Variants in IFTAP observed in about 807,000 individuals in gnomAD.
IFTAP encodes the protein intraflagellar transport associated protein, also known as intraflagellar transport-associated protein.
IFTAP carries 19 observed loss-of-function variants against 19.4 expected under a neutral mutation model. The observed-to-expected ratio is 0.98, with a 90% CI of 0.68 to 1.44. The LOEUF (loss-of-function observed/expected upper bound fraction) is 1.44, where lower values mean the gene tolerates loss of function less well. IFTAP is among the 40% of genes most tolerant of loss of function. IFTAP has a pLI of 0.00. For synonymous variants in IFTAP, 85 were observed against 83.5 expected, an observed-to-expected ratio of 1.02 and a Z score of -0.10; for missense variants, 240 against 253.6, an observed-to-expected ratio of 0.95 and a Z score of 0.36.
At chr11:36,647,963 G>T in intron 4 of IFTAP, 53 bp from the exon 5 acceptor site, 6 of 1,583,994 alleles carry the variant, frequency 3.8e-6, no homozygotes, top group Non-Finnish European at 5.2e-6. Context: ...AAATGATTTA[G>T]GTAAATTGTG....
In IFTAP at chr11:36,633,293, T is replaced by C. The variant is rs1166736180; in HGVS notation, c.146T>C (p.Val49Ala). The C allele has an allele frequency of 4.5e-6, 7 of 1,544,358 alleles. No individual in the cohort carries two copies. The highest frequency in any genetic ancestry group is 6.1e-6 in the Non-Finnish European group (7 of 1,149,794). ...TFTHLSQEDH[V>A]SKRGVFGTDS... The stretch of plus-strand genomic sequence containing the variant: ...TAACTTCTTATTTCAGAGGATCATG[T>C]GTCCAAAAGGGGAGTGTTTGGAACT... The change falls in exon 3 of 6, where the codon GTG becomes GCG. Residue 49 changes from valine (V) to alanine (A), a missense_variant. Val to Ala is a moderately conservative substitution (Grantham distance 64, BLOSUM62 0). Coordinates refer to ENST00000334307, the MANE Select transcript of IFTAP (RefSeq NM_138787.4).
chr11:36,608,897 A>G (rs543771306), intron 1 of IFTAP, among the ~76,000 whole-genome samples: 1 of 152,226 alleles, frequency 6.6e-6, no homozygotes, highest in South Asian at 2.1e-4. Context: ...TTGAGCAAGT[A>G]TAGTTTAGTG....
chr11:36,630,389 A>T (rs1852683264), intron 2 of IFTAP, among the ~76,000 whole-genome samples: 1 of 151,348 alleles, frequency 6.6e-6, no homozygotes. Flanking sequence ...GTCAAGAATG[A>T]ACAAGTTCTT....
chr11:36,651,120 G>A (rs1853705361), intron 5 of IFTAP, among the ~76,000 whole-genome samples: 1 of 152,194 alleles, frequency 6.6e-6, no homozygotes, highest in South Asian at 2.1e-4. Context: ...AGATTGCTGA[G>A]GAGTCGCCAC....
chr11:36,633,481 A>G (rs770645920), intron 3 of IFTAP, 43 bp downstream of exon 3: 16 of 1,393,836 alleles, frequency 1.1e-5, no homozygotes, highest in Non-Finnish European at 1.4e-5. Flanking sequence ...TCTCAGAAGA[A>G]AAGAATTCTT....
intron 5 of IFTAP, among the ~76,000 whole-genome samples, chr11:36,654,488 A>G (rs923904441): frequency 1.4e-4 from 22 of 152,002 alleles, no homozygotes; most frequent in African/African-American, 5.3e-4. Flanking sequence ...TGTATTTCTC[A>G]AATTGTGTTT....
At chr11:36,643,455 A>G (rs1008392939) in intron 4 of IFTAP, among the ~76,000 whole-genome samples, 14 of 152,330 alleles carry the variant, frequency 9.2e-5, no homozygotes, top group African/African-American at 2.9e-4. Flanking sequence ...TGCCATCCCC[A>G]TCAAGCTACC....
intron 5 of IFTAP, 122 bp downstream of exon 5, chr11:36,648,277 C>T: frequency 8.3e-7 from 1 of 1,211,520 alleles, no homozygotes; most frequent in African/African-American, 1.5e-5. Flanking sequence ...ATTCAAGTTG[C>T]TTAATTGGTC....
At chr11:36,637,476 AG>A (rs1280519394) in intron 4 of IFTAP, among the ~76,000 whole-genome samples, 1 of 152,164 alleles carries the variant, frequency 6.6e-6, no homozygotes, top group Non-Finnish European at 1.5e-5. Context: ...TTGGATTAGA[AG>A]GGAGAGCTAA....
chr11:36,638,861 AT>A (rs1192081566), intron 4 of IFTAP, among the ~76,000 whole-genome samples: 1 of 152,172 alleles, frequency 6.6e-6, no homozygotes, highest in Admixed American at 6.5e-5. Context: ...TAGGAGCATG[AT>A]TCTTTTCTAA....
chr11:36,631,983 A>G lies in IFTAP; in HGVS notation c.137-1301A>G, dbSNP rs916511726. Among the ~76,000 whole-genome samples the G allele has an allele frequency of 4.0e-5, 6 of 151,078 alleles. No individual in the cohort carries two copies. In the East Asian group the frequency reaches 1.2e-3, roughly 29 times the overall value. ...TCCTTTTTTCTTCTATTCTCTAAAG[A>G]CCTTTTCTTTTCATTTACTGCATTA... On this transcript the variant is annotated intron_variant, in intron 2 of 5. Transcript: ENST00000334307.
At chr11:36,603,344 C>T (rs147759832) in intron 1 of IFTAP, among the ~76,000 whole-genome samples, 1 of 152,324 alleles carries the variant, frequency 6.6e-6, no homozygotes, top group East Asian at 1.9e-4. Flanking sequence ...GAAAACAACA[C>T]ATCTGGTTCC....
chr11:36,600,589 G>A (rs191681327), intron 1 of IFTAP, among the ~76,000 whole-genome samples: 221 of 152,260 alleles, frequency 1.5e-3, no homozygotes, highest in Non-Finnish European at 9.1e-4. Context: ...CTAGTCTCTG[G>A]TGCGAAAAAG....
chr11:36,608,948 C>G (rs1473245745), intron 1 of IFTAP, among the ~76,000 whole-genome samples: 1 of 152,176 alleles, frequency 6.6e-6, no homozygotes, highest in Non-Finnish European at 1.5e-5. Context: ...TGTACTTGCT[C>G]AAATGAGTAA....
chr11:36,626,159 C>T (rs1054851551), intron 2 of IFTAP, among the ~76,000 whole-genome samples: 1 of 151,208 alleles, frequency 6.6e-6, no homozygotes, highest in Non-Finnish European at 1.5e-5. Context: ...TACATTTCCA[C>T]CCATGGAAAT....
intron 5 of IFTAP, among the ~76,000 whole-genome samples, chr11:36,651,040 G>A (rs1185966166): frequency 6.6e-6 from 1 of 152,174 alleles, no homozygotes; most frequent in Non-Finnish European, 1.5e-5. Flanking sequence ...CTTTATAGCA[G>A]CATGATTTAT....
intron 2 of IFTAP, among the ~76,000 whole-genome samples, chr11:36,617,380 A>T (rs890406143): frequency 3.3e-5 from 5 of 151,808 alleles, no homozygotes; most frequent in African/African-American, 4.8e-5. Context: ...TTATGAAAGT[A>T]TAGATTTCCA....
chr11:36,642,187 C>G (rs939206015), intron 4 of IFTAP, among the ~76,000 whole-genome samples: 4 of 152,082 alleles, frequency 2.6e-5, no homozygotes, highest in Non-Finnish European at 5.9e-5. Flanking sequence ...CACCACCGAT[C>G]TCACAGAAAT....
chr11:36,648,222 A>G, intron 5 of IFTAP, 67 bp downstream of exon 5: 4 of 1,530,034 alleles, frequency 2.6e-6, no homozygotes, highest in Non-Finnish European at 3.5e-6. Context: ...CTTCAAAGAA[A>G]TGCTGCATGC....
Sources: allele counts gnomAD v4.1 joint callset (sites outside exome capture counted in the v4.1 genomes callset), GRCh38; gene constraint gnomAD v4.1.1; transcripts MANE v1.5; gene names NCBI Gene and HGNC (gene_info 2026-07-23, HGNC 2026-07-21).